The following KCNK13 variants were observed in gnomAD, a reference collection of about 807,000 sequenced individuals.
KCNK13 encodes potassium channel subfamily K member 13.
A neutral mutation model predicts 23.4 loss-of-function variants in KCNK13; 12 were observed. That is an observed-to-expected ratio of 0.51 (90% CI 0.33 to 0.83). KCNK13 has a LOEUF of 0.83. Among genes scored for constraint, KCNK13 ranks in the 40% least tolerant of loss-of-function variants. The pLI, the probability that KCNK13 is intolerant of heterozygous loss-of-function variation, is 0.02. For missense variants in KCNK13, 463 were observed against 556.3 expected (o/e 0.83, Z 1.69); for synonymous variants, 231 against 229.5 (o/e 1.01, Z -0.06).
intron 1 of KCNK13, among the ~76,000 whole-genome samples, chr14:90,164,265 C>G (rs1034909568): frequency 2.0e-5 from 3 of 152,132 alleles, no homozygotes; most frequent in Non-Finnish European, 4.4e-5. Context: ...TGGCTTTGGC[C>G]AAAGGAAAGT....
chr14:90,180,331 G>T (rs1215724361), intron 1 of KCNK13, among the ~76,000 whole-genome samples: 4 of 152,096 alleles, frequency 2.6e-5, no homozygotes, highest in African/African-American at 9.7e-5. Flanking sequence ...GACCCTGAGG[G>T]TTATTATTCA....
At chr14:90,077,782 C>T (rs942373957) in intron 1 of KCNK13, among the ~76,000 whole-genome samples, 1 of 152,018 alleles carries the variant, frequency 6.6e-6, no homozygotes, top group Non-Finnish European at 1.5e-5. Flanking sequence ...TGTGATCTCT[C>T]TCTTCTCTCT....
chr14:90,136,256 G>A (rs888048650), intron 1 of KCNK13, among the ~76,000 whole-genome samples: 3 of 152,170 alleles, frequency 2.0e-5, no homozygotes, highest in African/African-American at 7.2e-5. Context: ...AATGGATGGA[G>A]TAGATGGTCC....
chr14:90,078,701 T>C (rs72629390), intron 1 of KCNK13, among the ~76,000 whole-genome samples: 20,721 of 152,110 alleles, frequency 0.14, 1,739 homozygotes, highest in South Asian at 0.26. Context: ...GTTGATTTCA[T>C]GGGCTAATGG....
chr14:90,135,015 A>G (rs1358434941), intron 1 of KCNK13, among the ~76,000 whole-genome samples: 1 of 152,168 alleles, frequency 6.6e-6, no homozygotes, highest in African/African-American at 2.4e-5. Flanking sequence ...TCCAAGGTTT[A>G]CTCAATTCAT....
chr14:90,149,140 G>A (rs117834466), intron 1 of KCNK13, among the ~76,000 whole-genome samples: 5 of 152,232 alleles, frequency 3.3e-5, no homozygotes, highest in African/African-American at 4.8e-5. Flanking sequence ...GGTGGATCAC[G>A]GGGTCAGGGG....
chr14:90,132,701 G>T (rs1190372328), intron 1 of KCNK13, among the ~76,000 whole-genome samples: 1 of 152,160 alleles, frequency 6.6e-6, no homozygotes, highest in Non-Finnish European at 1.5e-5. Context: ...CAATGTGAAT[G>T]TACTTAATGC....
chr14:90,095,793 G>A (rs1341629492), intron 1 of KCNK13, among the ~76,000 whole-genome samples: 2 of 152,098 alleles, frequency 1.3e-5, no homozygotes, highest in East Asian at 1.9e-4. Context: ...TCTGGAGATC[G>A]AGTCAGATCT....
chr14:90,081,690 A>G (rs1008825347), intron 1 of KCNK13, among the ~76,000 whole-genome samples: 11 of 152,224 alleles, frequency 7.2e-5, no homozygotes, highest in African/African-American at 2.7e-4. Flanking sequence ...GGACATTTCA[A>G]GTTCTGAAAA....
At chr14:90,154,970 G>T (rs1328977843) in intron 1 of KCNK13, among the ~76,000 whole-genome samples, 1 of 152,220 alleles carries the variant, frequency 6.6e-6, no homozygotes, top group Non-Finnish European at 1.5e-5. Flanking sequence ...CCTAGGCTCT[G>T]AGGATACAGC....
rs59863610 is a variant in KCNK13, at chr14:90,142,313, C to CTTTTT, written c.335-41779_335-41775dup. ...GTTTTCTTGTTTTGGCTGTCCAATT[C>CTTTTT]TTTTTTTTTTTTTTTTTTTTTTTGA... On this transcript the variant is annotated intron_variant, in intron 1 of 1. Transcript: ENST00000282146. 2.0e-3 allele frequency among the ~76,000 whole-genome samples: 173 copies of CTTTTT among 85,240 alleles called. 3 individuals carry two copies. Among genetic ancestry groups the CTTTTT allele is most frequent in the African/African-American group, 4.1e-3 (80 of 19,646 alleles). 55.9% of individuals were successfully genotyped at this position (85,240 alleles called of 152,430 possible). A position where few individuals can be genotyped will look rare whatever the true frequency, so the allele number is the denominator to read the frequency against.
At chr14:90,100,782 C>T (rs1195422693) in intron 1 of KCNK13, among the ~76,000 whole-genome samples, 1 of 152,150 alleles carries the variant, frequency 6.6e-6, no homozygotes, top group Non-Finnish European at 1.5e-5. Context: ...GCCTCCAACT[C>T]TTGGGCTCAG....
chr14:90,128,850 A>T (rs1052324917), intron 1 of KCNK13, among the ~76,000 whole-genome samples: 1 of 152,148 alleles, frequency 6.6e-6, no homozygotes, highest in Non-Finnish European at 1.5e-5. Flanking sequence ...TGTAACATAA[A>T]TGTAAGGCAT....
intron 1 of KCNK13, among the ~76,000 whole-genome samples, chr14:90,101,797 A>AAAAAAAAAAAAAAAC (rs1889482459): frequency 8.8e-6 from 1 of 113,852 alleles, no homozygotes; most frequent in African/African-American, 3.3e-5. Context: ...CTCCAAAAAA[A>AAAAAAAAAAAAAAAC]AAAAAAAAAA....
intron 1 of KCNK13, among the ~76,000 whole-genome samples, chr14:90,155,193 C>T (rs1890180078): frequency 6.6e-6 from 1 of 152,018 alleles, no homozygotes; most frequent in Non-Finnish European, 1.5e-5. Flanking sequence ...TGAGCAAACA[C>T]ATGAAGAGGT....
chr14:90,082,921 A>G (rs1197514564), intron 1 of KCNK13, among the ~76,000 whole-genome samples: 1 of 152,102 alleles, frequency 6.6e-6, no homozygotes, highest in Non-Finnish European at 1.5e-5. Context: ...AAGGGTTCCA[A>G]TTTCTCCACA....
At position 90,122,942 on chromosome 14, in the gene KCNK13, C is replaced by A. The variant is rs559575051; in HGVS notation, c.334+60403C>A. On this transcript the variant is annotated intron_variant, in intron 1 of 1. Transcript: ENST00000282146. Reference sequence around the variant, plus strand: ...CCGTCACACACTATCTCAGCACTCTCATGGAGTGGCATTTTTCAGATGAAG... The same window carrying A: ...CCGTCACACACTATCTCAGCACTCTAATGGAGTGGCATTTTTCAGATGAAG... Among the ~76,000 whole-genome samples, 10 of 152,292 alleles carry A rather than the reference C, an allele frequency of 6.6e-5. No individual in the cohort carries two copies. In the South Asian group the frequency reaches 2.1e-3, roughly 32 times the overall value.
rs879445217 is a variant in KCNK13, at chr14:90,176,508, CA to C, written c.335-7592del. ...AGTTGACATTGGAGGGGCTTTTTAC[CA>C]AAAAAAAAAAGTCTGCCAATTCTTT... On this transcript the variant is annotated intron_variant, in intron 1 of 1. Transcript: ENST00000282146. Among the ~76,000 whole-genome samples, 568 of 142,428 alleles carry C rather than the reference CA, an allele frequency of 4.0e-3. 3 individuals carry two copies. The highest frequency in any genetic ancestry group is 0.012 in the African/African-American group (477 of 39,022). The allele number at this position is 142,428 out of a possible 152,430, so 93.4% of individuals were successfully genotyped here.
intron 1 of KCNK13, among the ~76,000 whole-genome samples, chr14:90,125,072 G>T (rs1889780617): frequency 6.6e-6 from 1 of 152,104 alleles, no homozygotes; most frequent in Non-Finnish European, 1.5e-5. Context: ...ACTGTAGATG[G>T]AAGGAAAAGG....
Sources: allele counts gnomAD v4.1 joint callset (sites outside exome capture counted in the v4.1 genomes callset), GRCh38; gene constraint gnomAD v4.1.1; transcripts MANE v1.5; gene names NCBI Gene and HGNC (gene_info 2026-07-23, HGNC 2026-07-21).